The following CALB2 variants were observed in gnomAD, a reference collection of about 807,000 sequenced individuals.
The protein encoded by CALB2 is calretinin.
CALB2 carries 34 observed loss-of-function variants against 45.9 expected under a neutral mutation model. The observed-to-expected ratio is 0.74, with a 90% CI of 0.56 to 0.99. CALB2 has a LOEUF of 0.99. Ranked by LOEUF, CALB2 falls within the 50% of genes least tolerant of loss-of-function variation. The pLI, the probability that CALB2 is intolerant of heterozygous loss-of-function variation, is 0.00. For missense variants in CALB2, 344 were observed against 339.3 expected (o/e 1.01, Z -0.11); for synonymous variants, 142 against 129.6 (o/e 1.10, Z -0.65).
At position 71,383,405 on chromosome 16, in the gene CALB2, G is replaced by T. The variant is rs760026354; in HGVS notation, c.438G>T (p.Pro146=). 3 of 1,614,118 alleles carry T rather than the reference G, an allele frequency of 1.9e-6. No individual in the cohort carries two copies. The highest frequency in any genetic ancestry group is 2.5e-6 in the Non-Finnish European group (3 of 1,179,998). The change falls in exon 6 of 11, where the codon CCG becomes CCT. Residue 146 remains proline, a synonymous_variant. Coordinates refer to ENST00000302628, the MANE Select transcript of CALB2 (RefSeq NM_001740.5). ...LSDLLKKANR[P]YDEPKLQEYT... is the part of the protein sequence containing the mutation. ...ACCTGCTGAAGAAGGCGAACCGGCCGTACGATGAGCCCAAGCTCCAGGAAT... is the reference window on the plus strand; with the variant it reads ...ACCTGCTGAAGAAGGCGAACCGGCCTTACGATGAGCCCAAGCTCCAGGAAT...
chr16:71,369,040 G>A (rs1567536119), intron 1 of CALB2, among the ~76,000 whole-genome samples: 2 of 152,112 alleles, frequency 1.3e-5, no homozygotes, highest in Non-Finnish European at 1.5e-5. Context: ...AGTGGGGCGG[G>A]GCTCCGTGCT....
chr16:71,385,401 T>G, intron 9 of CALB2, 176 bp from the exon 10 acceptor site: 1 of 501,782 alleles, frequency 2.0e-6, no homozygotes, highest in African/African-American at 1.9e-5. Flanking sequence ...CACTGCCACC[T>G]TCCTGCCATG....
chr16:71,376,497 A>G (rs2042413647), intron 3 of CALB2, among the ~76,000 whole-genome samples: 2 of 152,100 alleles, frequency 1.3e-5, no homozygotes, highest in Admixed American at 1.3e-4. Context: ...ATCCACATAC[A>G]TCCACATATA....
chr16:71,376,891 AC>A (rs1479405145), intron 3 of CALB2, among the ~76,000 whole-genome samples: 43 of 152,270 alleles, frequency 2.8e-4, no homozygotes, highest in African/African-American at 8.9e-4. Flanking sequence ...TGCAGAAAGG[AC>A]CCCTCTTAAG....
At chr16:71,376,161 A>G (rs1340353876) in intron 3 of CALB2, among the ~76,000 whole-genome samples, 2 of 152,226 alleles carry the variant, frequency 1.3e-5, no homozygotes, top group Admixed American at 6.5e-5. Context: ...TGGGCCATCC[A>G]GTCTCTGCCA....
At chr16:71,360,001 G>A (rs1170614760) in intron 1 of CALB2, among the ~76,000 whole-genome samples, 1 of 152,232 alleles carries the variant, frequency 6.6e-6, no homozygotes, top group East Asian at 1.9e-4. Flanking sequence ...CCACTGCACT[G>A]CACAGCCCCC....
At chr16:71,379,175 G>A (rs1396359769) in intron 4 of CALB2, among the ~76,000 whole-genome samples, 1 of 152,054 alleles carries the variant, frequency 6.6e-6, no homozygotes, top group Non-Finnish European at 1.5e-5. Flanking sequence ...TACTCAGGAG[G>A]CTGAGGCAGG....
intron 1 of CALB2, 47 bp downstream of exon 1, chr16:71,358,933 T>TGCGGTGAAGGGGGCAGGGGGCG: frequency 3.9e-6 from 6 of 1,541,338 alleles, no homozygotes; most frequent in Non-Finnish European, 5.3e-6. Flanking sequence ...CCAGGGGACC[T>TGCGGTGAAGGGGGCAGGGGGCG]GCGGTGAAGG....
chr16:71,369,778 C>CAAG (rs1555525286), intron 1 of CALB2, among the ~76,000 whole-genome samples: 6 of 151,976 alleles, frequency 3.9e-5, no homozygotes, highest in South Asian at 2.1e-4. Flanking sequence ...ACAAAGCCTC[C>CAAG]GAGAAGAATG....
chr16:71,371,986 G>A (rs1280849002), intron 1 of CALB2, among the ~76,000 whole-genome samples, 167 bp from the exon 2 acceptor site: 4 of 152,108 alleles, frequency 2.6e-5, no homozygotes, highest in East Asian at 3.9e-4. Context: ...GGATCTCTAG[G>A]TGCAAATGCC....
intron 4 of CALB2, among the ~76,000 whole-genome samples, chr16:71,378,401 T>TA (rs1285189636): frequency 6.9e-6 from 1 of 145,824 alleles, no homozygotes; most frequent in Non-Finnish European, 1.5e-5. Flanking sequence ...AAAAAAAAGA[T>TA]AAAAAACTTA....
At chr16:71,371,970 C>G (rs1056467051) in intron 1 of CALB2, among the ~76,000 whole-genome samples, 183 bp from the exon 2 acceptor site, 9 of 152,326 alleles carry the variant, frequency 5.9e-5, no homozygotes, top group African/African-American at 2.2e-4. Context: ...GTATGTTGTT[C>G]ATCTTGGATC....
At chr16:71,367,755 T>G (rs1017872001) in intron 1 of CALB2, among the ~76,000 whole-genome samples, 2 of 152,224 alleles carry the variant, frequency 1.3e-5, no homozygotes, top group African/African-American at 4.8e-5. Flanking sequence ...CAAGGCTTAC[T>G]GCATTGAACC....
chr16:71,360,671 G>A (rs2042228843), intron 1 of CALB2, among the ~76,000 whole-genome samples: 1 of 152,144 alleles, frequency 6.6e-6, no homozygotes. Flanking sequence ...ATTCTCAGAG[G>A]GACAAGCAAG....
At chr16:71,382,244 G>C (rs999330344) in intron 4 of CALB2, among the ~76,000 whole-genome samples, 2 of 152,180 alleles carry the variant, frequency 1.3e-5, no homozygotes, top group Non-Finnish European at 2.9e-5. Flanking sequence ...AGCGGAACAT[G>C]GTTCTCCGGG....
intron 10 of CALB2, among the ~76,000 whole-genome samples, chr16:71,387,584 G>A (rs2042585236): frequency 6.6e-6 from 1 of 152,154 alleles, no homozygotes; most frequent in Non-Finnish European, 1.5e-5. Flanking sequence ...AGGCTGATGG[G>A]ATTGAACTTC....
At chr16:71,370,191 G>C (rs528161279) in intron 1 of CALB2, among the ~76,000 whole-genome samples, 31 of 152,144 alleles carry the variant, frequency 2.0e-4, no homozygotes, top group Admixed American at 5.9e-4. Context: ...TTCTTCACTC[G>C]AGAGTGCCTC....
chr16:71,372,160 G>A lies in CALB2; in HGVS notation c.102G>A (p.Gly34=), dbSNP rs773879452. 4 of 1,606,936 alleles carry A rather than the reference G, an allele frequency of 2.5e-6. No homozygotes were observed. Among genetic ancestry groups the A allele is most frequent in the Non-Finnish European group, 3.4e-6 (4 of 1,174,058 alleles). The part of the protein sequence containing the change: ...IWKHFDADGN[G]YIEGKELENF... ...TTCTCTCTCTTTTTACAGGAAATGG[G>A]TATATTGAAGGTAAAGAGCTAGAAA... is the stretch of plus-strand genomic sequence containing the variant. The change falls in exon 2 of 11, where the codon GGG becomes GGA. Residue 34 remains glycine (G), a synonymous_variant. Transcript: ENST00000302628.
At chr16:71,389,622 T>C (rs1244019957) in intron 10 of CALB2, 127 bp from the exon 11 acceptor site, 1 of 780,914 alleles carries the variant, frequency 1.3e-6, no homozygotes, top group African/African-American at 1.7e-5. Context: ...TGCATTCATC[T>C]AAGCCACTTA....
Sources: gnomAD v4.1 joint callset for allele counts (sites outside exome capture counted in the v4.1 genomes callset) on GRCh38, gnomAD v4.1.1 for gene constraint, MANE v1.5 for transcripts, NCBI Gene and HGNC (gene_info 2026-07-23, HGNC 2026-07-21) for gene names.